ARL15: variants seen among roughly 807,000 people sequenced by gnomAD.
The protein encoded by ARL15 is ARF like GTPase 15, also known as ADP-ribosylation factor-like protein 15.
In ARL15, 19 loss-of-function variants were observed where a neutral mutation model predicts 25.2. The ratio of observed to expected loss-of-function variants is 0.75; its 90% CI spans 0.53 to 1.10. ARL15 has a LOEUF of 1.10. Ranked by LOEUF, ARL15 falls within the 50% of genes least tolerant of loss-of-function variation. ARL15 has a pLI of 0.00. For missense variants in ARL15, 220 were observed against 246.0 expected, an observed-to-expected ratio of 0.89 and a Z score of 0.71; for synonymous variants, 94 against 86.8, an observed-to-expected ratio of 1.08 and a Z score of -0.46.
At chr5:53,971,995 T>TGATTA (rs1747768020) in intron 4 of ARL15, among the ~76,000 whole-genome samples, 1 of 152,196 alleles carries the variant, frequency 6.6e-6, no homozygotes, top group Non-Finnish European at 1.5e-5. Context: ...GGCTTAAAAA[T>TGATTA]AATCCAGTGT....
chr5:54,117,207 G>C (rs143904387), intron 3 of ARL15, among the ~76,000 whole-genome samples: 19 of 152,100 alleles, frequency 1.2e-4, no homozygotes, highest in African/African-American at 4.6e-4. Context: ...CAGTGAGTCA[G>C]GTATAAAGAG....
At chr5:54,087,310 A>G (rs1751995337) in intron 4 of ARL15, among the ~76,000 whole-genome samples, 1 of 152,118 alleles carries the variant, frequency 6.6e-6, no homozygotes, top group African/African-American at 2.4e-5. Context: ...CCTGGGCGAC[A>G]GAGCGAGGCT....
At chr5:54,009,513 C>T (rs990978787) in intron 4 of ARL15, among the ~76,000 whole-genome samples, 2 of 152,112 alleles carry the variant, frequency 1.3e-5, no homozygotes, top group Non-Finnish European at 2.9e-5. Context: ...AGGTAGGTAA[C>T]TGTTTCAGGT....
At chr5:53,892,719 CAGCCTCCTA>C (rs1744759598) in intron 4 of ARL15, among the ~76,000 whole-genome samples, 1 of 152,016 alleles carries the variant, frequency 6.6e-6, no homozygotes, top group African/African-American at 2.4e-5. Context: ...CCTCCCACCT[CAGCCTCCTA>C]AGTAGCTGGG....
Position 54,203,182 on chromosome 5 carries a change from C to A in ARL15, c.49-31254G>T, listed in dbSNP as rs555023062. ...TACTATACTCAGCTCCCCACTCCCC[C>A]CTCACTGTTAAATACACATTTCTTG... On this transcript the variant is annotated intron_variant, in intron 1 of 4. Transcript: ENST00000504924. 1.4e-4 allele frequency among the ~76,000 whole-genome samples: 22 copies of A among 152,256 alleles called. No individual in the cohort carries two copies. In the South Asian group the frequency reaches 1.7e-3, roughly 11 times the overall value.
chr5:53,907,494 T>TG (rs1561144020), intron 4 of ARL15, among the ~76,000 whole-genome samples: 7 of 49,342 alleles, frequency 1.4e-4, no homozygotes, highest in African/African-American at 5.8e-4. Context: ...ATATATTTTT[T>TG]TTTTTTTTTT....
intron 4 of ARL15, among the ~76,000 whole-genome samples, chr5:54,004,807 G>A (rs1269328451): frequency 2.0e-5 from 3 of 152,064 alleles, no homozygotes; most frequent in East Asian, 1.9e-4. Context: ...GTGTGTGTGT[G>A]TAAGAGGGGT....
At chr5:54,103,474 G>A (rs1435443740) in intron 4 of ARL15, among the ~76,000 whole-genome samples, 1 of 151,984 alleles carries the variant, frequency 6.6e-6, no homozygotes, top group East Asian at 1.9e-4. Context: ...ATAGAGTCAT[G>A]GCTGAATATA....
chr5:53,917,085 T>C (rs1015526190), intron 4 of ARL15, among the ~76,000 whole-genome samples: 5 of 152,160 alleles, frequency 3.3e-5, no homozygotes, highest in African/African-American at 1.2e-4. Context: ...ATCTGTCCCC[T>C]TGGAAAAGGA....
At chr5:54,132,716 C>T (rs997782053) in intron 3 of ARL15, among the ~76,000 whole-genome samples, 1 of 152,094 alleles carries the variant, frequency 6.6e-6, no homozygotes. Context: ...CATGCCTCCC[C>T]TTTTTAGACC....
chr5:54,201,761 T>C (rs886850390), intron 1 of ARL15, among the ~76,000 whole-genome samples: 1 of 152,180 alleles, frequency 6.6e-6, no homozygotes, highest in Non-Finnish European at 1.5e-5. Context: ...GTGATGGTCC[T>C]GAATAGTCTT....
intron 3 of ARL15, among the ~76,000 whole-genome samples, chr5:54,122,650 G>A (rs1338614203): frequency 6.6e-6 from 1 of 152,200 alleles, no homozygotes; most frequent in Non-Finnish European, 1.5e-5. Context: ...GGTTAAGGCA[G>A]GGGGTGCCAT....
intron 1 of ARL15, among the ~76,000 whole-genome samples, chr5:54,275,525 C>G (rs571117612): frequency 6.6e-6 from 1 of 152,034 alleles, no homozygotes; most frequent in Non-Finnish European, 1.5e-5. Context: ...AACAAACATA[C>G]GGGAGTGGTG....
chr5:53,929,857 A>G (rs1364199112), intron 4 of ARL15, among the ~76,000 whole-genome samples: 3 of 152,120 alleles, frequency 2.0e-5, no homozygotes, highest in Non-Finnish European at 1.5e-5. Flanking sequence ...GGACTCTTCT[A>G]TTGCAGAAAA....
At chr5:54,016,937 G>T (rs1030538769) in intron 4 of ARL15, among the ~76,000 whole-genome samples, 2 of 152,130 alleles carry the variant, frequency 1.3e-5, no homozygotes, top group African/African-American at 4.8e-5. Context: ...TTCATGGTTG[G>T]AAAGACCAAC....
intron 4 of ARL15, among the ~76,000 whole-genome samples, chr5:54,092,219 G>C (rs1752151186): frequency 6.6e-6 from 1 of 152,050 alleles, no homozygotes. Flanking sequence ...AATCTTTTTG[G>C]AATTCTTCTG....
intron 3 of ARL15, among the ~76,000 whole-genome samples, chr5:54,140,105 C>T (rs2112306255): frequency 6.6e-6 from 1 of 152,240 alleles, no homozygotes; most frequent in South Asian, 2.1e-4. Flanking sequence ...TGACTACTAT[C>T]CATCTTAAAG....
chr5:54,237,953 G>C (rs1278039491), intron 1 of ARL15, among the ~76,000 whole-genome samples: 2 of 152,190 alleles, frequency 1.3e-5, no homozygotes, highest in East Asian at 3.9e-4. Context: ...TAATTCCACT[G>C]GGATTTGAAT....
At chr5:53,967,496 G>A (rs895768591) in intron 4 of ARL15, among the ~76,000 whole-genome samples, 7 of 152,196 alleles carry the variant, frequency 4.6e-5, no homozygotes, top group Non-Finnish European at 1.0e-4. Flanking sequence ...GGATATGGGA[G>A]GAGACAAAGG....
Sources: allele counts gnomAD v4.1 joint callset (sites outside exome capture counted in the v4.1 genomes callset), GRCh38; gene constraint gnomAD v4.1.1; transcripts MANE v1.5; gene names NCBI Gene and HGNC (gene_info 2026-07-23, HGNC 2026-07-21).